Variants in KCNQ5 observed in about 807,000 individuals in gnomAD.
KCNQ5 encodes potassium voltage-gated channel subfamily Q member 5, also known as potassium voltage-gated channel subfamily KQT member 5.
A neutral mutation model predicts 98.2 loss-of-function variants in KCNQ5; 30 were observed. That is an observed-to-expected ratio of 0.31 (90% CI 0.23 to 0.41). KCNQ5 has a LOEUF of 0.41. KCNQ5 is among the 10% of genes least tolerant of loss of function. KCNQ5 has a pLI of 1.00. For missense variants in KCNQ5, 835 were observed against 1,182.5 expected (o/e 0.71, Z 4.31); for synonymous variants, 458 against 449.4 (o/e 1.02, Z -0.24).
chr6:73,123,167 G>A (rs1775813511), intron 8 of KCNQ5, among the ~76,000 whole-genome samples: 3 of 136,016 alleles, frequency 2.2e-5, no homozygotes, highest in Admixed American at 2.1e-4. Context: ...TGGGAAGTAT[G>A]TATTCAAGGG....
intron 9 of KCNQ5, among the ~76,000 whole-genome samples, chr6:73,128,429 G>A (rs985780126): frequency 4.6e-5 from 7 of 152,176 alleles, no homozygotes; most frequent in African/African-American, 1.7e-4. Context: ...CATTTTCAGA[G>A]AACTGAATTT....
At chr6:72,832,282 G>A (rs1257890207) in intron 1 of KCNQ5, among the ~76,000 whole-genome samples, 2 of 152,092 alleles carry the variant, frequency 1.3e-5, no homozygotes, top group African/African-American at 4.8e-5. Context: ...AAATTAATGA[G>A]AGCAGAATCC....
At chr6:72,944,159 A>G (rs543888202) in intron 1 of KCNQ5, among the ~76,000 whole-genome samples, 2 of 152,338 alleles carry the variant, frequency 1.3e-5, no homozygotes, top group African/African-American at 4.8e-5. Context: ...TGGTTCCAGT[A>G]AATATTCAAT....
chr6:72,882,109 A>G (rs548548308), intron 1 of KCNQ5, among the ~76,000 whole-genome samples: 12 of 152,362 alleles, frequency 7.9e-5, no homozygotes, highest in African/African-American at 2.6e-4. Context: ...AAATGAGTAA[A>G]TTTATCTGGA....
intron 1 of KCNQ5, among the ~76,000 whole-genome samples, chr6:72,984,851 C>A (rs563781456): frequency 6.6e-6 from 1 of 152,262 alleles, no homozygotes; most frequent in Admixed American, 6.5e-5. Context: ...TGGAACCAAT[C>A]CCAACAATTT....
chr6:72,624,797 T>A (rs928028177), intron 1 of KCNQ5, among the ~76,000 whole-genome samples: 1 of 152,352 alleles, frequency 6.6e-6, no homozygotes, highest in Admixed American at 6.5e-5. Context: ...GAATGGATAG[T>A]ATCATCTTTT....
intron 2 of KCNQ5, among the ~76,000 whole-genome samples, chr6:73,017,041 C>G (rs1456500690): frequency 6.6e-6 from 1 of 152,136 alleles, no homozygotes; most frequent in Non-Finnish European, 1.5e-5. Flanking sequence ...ACTTCCTCTT[C>G]TAATTTCTCC....
intron 1 of KCNQ5, among the ~76,000 whole-genome samples, chr6:72,959,527 A>G (rs1767238129): frequency 6.6e-6 from 1 of 152,198 alleles, no homozygotes; most frequent in Non-Finnish European, 1.5e-5. Flanking sequence ...CCAGTTGTGG[A>G]TATCATGAAA....
At chr6:72,924,522 T>G (rs1008574506) in intron 1 of KCNQ5, among the ~76,000 whole-genome samples, 4 of 152,184 alleles carry the variant, frequency 2.6e-5, no homozygotes, top group African/African-American at 9.7e-5. Flanking sequence ...CCCCACAGCC[T>G]ATTGTCATCA....
chr6:72,804,664 C>T (rs1774861127), intron 1 of KCNQ5, among the ~76,000 whole-genome samples: 1 of 152,108 alleles, frequency 6.6e-6, no homozygotes, highest in Non-Finnish European at 1.5e-5. Flanking sequence ...GATTTCCTTT[C>T]TTTTGGGTCC....
chr6:72,984,411 GC>G, intron 1 of KCNQ5, among the ~76,000 whole-genome samples: 1 of 152,198 alleles, frequency 6.6e-6, no homozygotes, highest in Non-Finnish European at 1.5e-5. Flanking sequence ...TCAAGCCTCA[GC>G]AATGGTGGAT....
At chr6:72,623,726 C>G (rs2098916722) in intron 1 of KCNQ5, among the ~76,000 whole-genome samples, 1 of 151,954 alleles carries the variant, frequency 6.6e-6, no homozygotes, top group Non-Finnish European at 1.5e-5. Flanking sequence ...ATAAAGACAT[C>G]AACCTTAGAA....
chr6:73,163,754 AAAAT>A (rs1460545674), intron 10 of KCNQ5, among the ~76,000 whole-genome samples: 6 of 152,366 alleles, frequency 3.9e-5, no homozygotes, highest in African/African-American at 1.4e-4. Flanking sequence ...TCTCAAAAAT[AAAAT>A]AAATAAATAA....
At chr6:72,690,210 T>A (rs1484688203) in intron 1 of KCNQ5, among the ~76,000 whole-genome samples, 1 of 152,132 alleles carries the variant, frequency 6.6e-6, no homozygotes, top group Non-Finnish European at 1.5e-5. Context: ...AGCCAGAGGT[T>A]GCAGTGAGCC....
chr6:73,057,208 C>T (rs1772550906), intron 3 of KCNQ5, among the ~76,000 whole-genome samples: 1 of 151,924 alleles, frequency 6.6e-6, no homozygotes, highest in South Asian at 2.1e-4. Context: ...AACCATCATT[C>T]TCAGCAAACT....
At chr6:73,100,511 CA>C (rs70994162) in intron 5 of KCNQ5, among the ~76,000 whole-genome samples, 10 of 148,984 alleles carry the variant, frequency 6.7e-5, no homozygotes, top group African/African-American at 2.5e-4. Flanking sequence ...CTAAAAAATA[CA>C]AAAAAAAATA....
At chr6:73,092,700 T>G (rs1774303981) in intron 5 of KCNQ5, among the ~76,000 whole-genome samples, 1 of 152,212 alleles carries the variant, frequency 6.6e-6, no homozygotes, top group Admixed American at 6.5e-5. Context: ...TCTGTTTATG[T>G]GGTGTATCAC....
intron 1 of KCNQ5, among the ~76,000 whole-genome samples, chr6:72,711,224 T>C (rs1045752437): frequency 1.3e-4 from 19 of 151,806 alleles, no homozygotes; most frequent in South Asian, 6.3e-4. Flanking sequence ...ACCATGTGAG[T>C]ACACAGCAAG....
intron 1 of KCNQ5, among the ~76,000 whole-genome samples, chr6:72,646,740 G>T (rs183283319): frequency 6.6e-6 from 1 of 152,106 alleles, no homozygotes; most frequent in Middle Eastern, 3.2e-3. Context: ...TACATTGCAG[G>T]GTGCTGCCCA....
Sources: allele counts gnomAD v4.1 joint callset (sites outside exome capture counted in the v4.1 genomes callset), GRCh38; gene constraint gnomAD v4.1.1; transcripts MANE v1.5; gene names NCBI Gene and HGNC (gene_info 2026-07-23, HGNC 2026-07-21).